The following PDZD2 variants were observed in gnomAD, a reference collection of about 807,000 sequenced individuals.
The protein encoded by PDZD2 is PDZ domain-containing protein 2.
A neutral mutation model predicts 220.7 loss-of-function variants in PDZD2; 90 were observed. That is an observed-to-expected ratio of 0.41 (90% CI 0.34 to 0.49). The LOEUF (loss-of-function observed/expected upper bound fraction) is 0.49, where lower values mean the gene tolerates loss of function less well. Among genes scored for constraint, PDZD2 ranks in the 20% least tolerant of loss-of-function variants. PDZD2 has a pLI of 0.28. For missense variants in PDZD2, 3,174 were observed against 3,608.5 expected (o/e 0.88, Z 3.08); for synonymous variants, 1,375 against 1,450.5 (o/e 0.95, Z 1.18).
At chr5:31,651,992 G>GTTTTTTT (rs770006909) in intron 1 of PDZD2, among the ~76,000 whole-genome samples, 1 of 29,460 alleles carries the variant, frequency 3.4e-5, no homozygotes, top group Non-Finnish European at 7.2e-5. Flanking sequence ...GCTAATTTTT[G>GTTTTTTT]TATTTTTTTT....
intron 3 of PDZD2, among the ~76,000 whole-genome samples, chr5:31,985,817 G>A (rs1017961140): frequency 5.9e-5 from 9 of 151,862 alleles, no homozygotes; most frequent in African/African-American, 1.7e-4. Context: ...AGTGGCTCAC[G>A]CCTGTAATCC....
chr5:31,969,729 T>C (rs1332161945), intron 2 of PDZD2, among the ~76,000 whole-genome samples: 1 of 151,994 alleles, frequency 6.6e-6, no homozygotes, highest in Non-Finnish European at 1.5e-5. Context: ...AATCACTGAA[T>C]TATACCTTTG....
Position 31,799,394 on chromosome 5 carries a change from A to G in PDZD2, c.146A>G (p.Asn49Ser). Residue 49 changes from asparagine (N) to serine (S), a missense_variant, in exon 2 of 25, where the codon AAC becomes AGC. By Grantham distance (46) the Asn-to-Ser change is conservative. Around this residue, in one of 4 missense-constraint regions of PDZD2, gnomAD observed 632 missense variants for 708.1 expected, o/e 0.89. Transcript: ENST00000438447. ...AAGCTGCAGGAGTACATCCAGCTGAACTTTGCTGTGGATGAGAGTACGGTC... is the reference window on the plus strand; with the variant it reads ...AAGCTGCAGGAGTACATCCAGCTGAGCTTTGCTGTGGATGAGAGTACGGTC... The part of the protein sequence containing the change: ...IQKLQEYIQL[N>S]FAVDESTVPP... The G allele has an allele frequency of 6.2e-7, 1 of 1,614,186 alleles. No homozygotes were observed. The highest frequency in any genetic ancestry group is 1.1e-5 in the South Asian group (1 of 91,082).
At chr5:31,647,341 A>G (rs805232) in intron 1 of PDZD2, among the ~76,000 whole-genome samples, 147,463 of 152,322 alleles carry the variant, frequency 0.97, 71,402 homozygotes, top group East Asian at 1. Context: ...ATTACCCCAT[A>G]TTCATTTCCT....
At chr5:32,064,754 G>A (rs1740050516) in intron 14 of PDZD2, among the ~76,000 whole-genome samples, 1 of 151,986 alleles carries the variant, frequency 6.6e-6, no homozygotes, top group Admixed American at 6.6e-5. Context: ...GATCACTTGA[G>A]GTCAGGAGTT....
Position 32,110,082 on chromosome 5 carries a change from TGTG to T in PDZD2, c.*1950_*1952del, listed in dbSNP as rs1745234380. ...GTTTTTCAGTCTCTGGGGTCAGTTT[TGTG>T]GTTTCTGCTTTCTTGCCTAAATCAA... On this transcript the variant is annotated 3_prime_UTR_variant, in exon 25 of 25. Transcript: ENST00000438447. The T allele has an allele frequency of 6.6e-6, 1 of 152,660 alleles. No individual in the cohort carries two copies. The highest frequency in any genetic ancestry group is 2.1e-4 in the South Asian group (1 of 4,832). 9.5% of individuals were successfully genotyped at this position (152,660 alleles called of 1,614,324 possible).
chr5:31,665,243 C>CT (rs5867090), intron 1 of PDZD2, among the ~76,000 whole-genome samples: 138,771 of 152,068 alleles, frequency 0.91, 63,966 homozygotes, highest in East Asian at 0.99. Context: ...GCCTCTTCCC[C>CT]GTGTGTATCT....
chr5:31,824,936 T>G (rs1376680431), intron 2 of PDZD2, among the ~76,000 whole-genome samples: 1 of 152,200 alleles, frequency 6.6e-6, no homozygotes, highest in Non-Finnish European at 1.5e-5. Context: ...AAAGCTCTAT[T>G]AATACTAGCT....
chr5:32,061,176 A>G (rs747777423), intron 14 of PDZD2, 42 bp downstream of exon 14: 2 of 1,600,244 alleles, frequency 1.2e-6, no homozygotes, highest in African/African-American at 2.7e-5. Flanking sequence ...AAGATGATAC[A>G]CCTTCCTAGG....
Position 31,829,038 on chromosome 5 carries a change from C to T in PDZD2, c.476+29314C>T, listed in dbSNP as rs113320848. Among the ~76,000 whole-genome samples, 359 of 152,292 alleles carry T rather than the reference C, an allele frequency of 2.4e-3. 1 individual carries two copies. Among genetic ancestry groups the T allele is most frequent in the African/African-American group, 8.4e-3 (348 of 41,578 alleles). On this transcript the variant is annotated intron_variant, in intron 2 of 24. Transcript: ENST00000438447. ...GAGAAACCTTGAAAATGGAGCCTTTCAGAGAGCTGTTGGACAGGTCAAGTA... is the reference window on the plus strand; with the variant it reads ...GAGAAACCTTGAAAATGGAGCCTTTTAGAGAGCTGTTGGACAGGTCAAGTA...
At chr5:32,038,867 A>G (rs1033908530) in intron 7 of PDZD2, among the ~76,000 whole-genome samples, 2 of 152,194 alleles carry the variant, frequency 1.3e-5, no homozygotes, top group Admixed American at 1.3e-4. Context: ...CCCTCACCTG[A>G]AAAAAGAGGA....
rs577804234 is a variant in PDZD2 at position 31,798,583 on chromosome 5, G to T, written c.-360-306G>T. On this transcript the variant is annotated intron_variant, in intron 1 of 24. Coordinates refer to ENST00000438447, the MANE Select transcript of PDZD2 (RefSeq NM_178140.4). Reference sequence around the variant, plus strand: ...ACAGGGTCTTGTCACACAGCCTCCTGGTTGGGTGTGAGTTTGATAGTATGT... The same window carrying T: ...ACAGGGTCTTGTCACACAGCCTCCTTGTTGGGTGTGAGTTTGATAGTATGT... 9.8e-5 allele frequency among the ~76,000 whole-genome samples: 15 copies of T among 152,302 alleles called. No individual in the cohort carries two copies. The South Asian group carries it at 2.7e-3, about 27-fold the overall frequency.
chr5:31,927,357 T>C (rs563836970), intron 2 of PDZD2, among the ~76,000 whole-genome samples: 30 of 146,762 alleles, frequency 2.0e-4, no homozygotes, highest in African/African-American at 5.7e-4. Context: ...ATAAAAACCT[T>C]CTGCTACTTT....
At chr5:31,818,172 A>T (rs1349339748) in intron 2 of PDZD2, among the ~76,000 whole-genome samples, 2 of 151,638 alleles carry the variant, frequency 1.3e-5, no homozygotes, top group Non-Finnish European at 2.9e-5. Flanking sequence ...GGGTTTCGCT[A>T]TGTTACCAAG....
rs544583874 is a variant in PDZD2, at chr5:31,810,407, T to A, written c.476+10683T>A. On this transcript the variant is annotated intron_variant, in intron 2 of 24. Coordinates refer to ENST00000438447, the MANE Select transcript of PDZD2 (RefSeq NM_178140.4). Reference sequence around the variant, plus strand: ...CCTCCCGAGTAGCTGGGACTACAGGTGCCCACCACCACGCCTCACTAAATT... The same window carrying A: ...CCTCCCGAGTAGCTGGGACTACAGGAGCCCACCACCACGCCTCACTAAATT... 3.4e-5 allele frequency among the ~76,000 whole-genome samples: 5 copies of A among 146,700 alleles called. No homozygotes were observed. The South Asian group carries it at 1.1e-3, about 33-fold the overall frequency.
At chr5:31,762,690 C>T (rs921589765) in intron 1 of PDZD2, among the ~76,000 whole-genome samples, 1 of 152,188 alleles carries the variant, frequency 6.6e-6, no homozygotes, top group African/African-American at 2.4e-5. Context: ...CCATGGAAGC[C>T]ATGTGTCATG....
At chr5:31,898,754 A>G (rs1741803777) in intron 2 of PDZD2, among the ~76,000 whole-genome samples, 1 of 149,936 alleles carries the variant, frequency 6.7e-6, no homozygotes, top group Admixed American at 6.6e-5. Context: ...CTCACCAGAC[A>G]GGTCATCCAG....
At chr5:31,872,785 T>A (rs1299125396) in intron 2 of PDZD2, among the ~76,000 whole-genome samples, 1 of 150,986 alleles carries the variant, frequency 6.6e-6, no homozygotes, top group East Asian at 1.9e-4. Flanking sequence ...CGTGTGTGTA[T>A]GTGTGTGTGT....
intron 1 of PDZD2, among the ~76,000 whole-genome samples, chr5:31,674,834 C>T (rs867122663): frequency 2.6e-5 from 4 of 152,148 alleles, no homozygotes; most frequent in Admixed American, 1.3e-4. Context: ...TGTGACCGCC[C>T]TTCCAGGTGG....
Sources: gnomAD v4.1 joint callset for allele counts (sites outside exome capture counted in the v4.1 genomes callset) on GRCh38, gnomAD v4.1.1 for gene constraint, gnomAD v4.1.1 regional missense constraint, MANE v1.5 for transcripts, NCBI Gene and HGNC (gene_info 2026-07-23, HGNC 2026-07-21) for gene names.